CACNA2D3: variants seen among roughly 807,000 people sequenced by gnomAD.
CACNA2D3 encodes voltage-dependent calcium channel subunit alpha-2/delta-3.
CACNA2D3 carries 60 observed loss-of-function variants against 160.6 expected under a neutral mutation model. That is an observed-to-expected ratio of 0.37 (90% CI 0.30 to 0.46). The LOEUF is 0.46. Ranked by LOEUF, CACNA2D3 falls within the 20% of genes least tolerant of loss-of-function variation. The probability of loss-of-function intolerance (pLI) is 1.00; values close to 1 mark genes in which losing one functional copy is unlikely to be tolerated. For missense variants in CACNA2D3, 1,205 were observed against 1,365.0 expected, an observed-to-expected ratio of 0.88 and a Z score of 1.85; for synonymous variants, 558 against 492.9, an observed-to-expected ratio of 1.13 and a Z score of -1.75.
In CACNA2D3 at chr3:54,803,553, T is replaced by C. The variant is rs568925921; in HGVS notation, c.1381-13300T>C. 6.6e-5 allele frequency among the ~76,000 whole-genome samples: 10 copies of C among 152,198 alleles called. 1 individual carries two copies. In the East Asian group the frequency reaches 1.9e-3, roughly 29 times the overall value. The stretch of plus-strand genomic sequence containing the variant: ...AAAGCCTCCAAGAAATATGGGACTA[T>C]GTGAAAAAAACAAATCTACATCTGA... On this transcript the variant is annotated intron_variant, in intron 13 of 37. Coordinates refer to ENST00000474759, the MANE Select transcript of CACNA2D3 (RefSeq NM_018398.3).
intron 9 of CACNA2D3, among the ~76,000 whole-genome samples, chr3:54,627,558 G>A (rs1301688531): frequency 6.6e-6 from 1 of 152,184 alleles, no homozygotes; most frequent in Non-Finnish European, 1.5e-5. Context: ...TTTCACCAGA[G>A]TTCAACTGAT....
intron 34 of CACNA2D3, among the ~76,000 whole-genome samples, chr3:55,013,091 G>A (rs1036506083): frequency 1.3e-5 from 2 of 152,194 alleles, no homozygotes; most frequent in African/African-American, 4.8e-5. Flanking sequence ...ACAGACTACA[G>A]AGAGACCTTG....
At chr3:54,993,821 C>A (rs1343542197) in intron 31 of CACNA2D3, among the ~76,000 whole-genome samples, 4 of 148,530 alleles carry the variant, frequency 2.7e-5, no homozygotes, top group Non-Finnish European at 4.4e-5. Flanking sequence ...ACCTATCTTT[C>A]ATGGCCATTG....
chr3:54,397,495 C>T (rs1156507603), intron 4 of CACNA2D3, among the ~76,000 whole-genome samples: 1 of 126,410 alleles, frequency 7.9e-6, no homozygotes, highest in Non-Finnish European at 1.7e-5. Flanking sequence ...TGAATGCGTC[C>T]CAGAGATTCT....
At chr3:54,144,098 C>T (rs1327316533) in intron 2 of CACNA2D3, among the ~76,000 whole-genome samples, 1 of 152,160 alleles carries the variant, frequency 6.6e-6, no homozygotes, top group Non-Finnish European at 1.5e-5. Flanking sequence ...TAAAATTTTG[C>T]AGCATTTCTT....
chr3:54,887,376 G>C (rs1402766855), intron 23 of CACNA2D3, among the ~76,000 whole-genome samples: 2 of 152,088 alleles, frequency 1.3e-5, no homozygotes, highest in African/African-American at 2.4e-5. Flanking sequence ...GTTGTGAGCT[G>C]AGATTGTACT....
At chr3:54,832,450 G>A (rs1339292496) in intron 14 of CACNA2D3, among the ~76,000 whole-genome samples, 1 of 152,082 alleles carries the variant, frequency 6.6e-6, no homozygotes, top group African/African-American at 2.4e-5. Flanking sequence ...GAAAAGAAAG[G>A]GGCCAGGCAG....
rs1553814627 is a variant in CACNA2D3 at position 54,736,129 on chromosome 3, A to ATG, written c.1168-16468_1168-16467dup. On this transcript the variant is annotated intron_variant, in intron 11 of 37. Coordinates refer to ENST00000474759, the MANE Select transcript of CACNA2D3 (RefSeq NM_018398.3). Reference sequence around the variant, plus strand: ...TATATGTATATATATACATATATATATGTATATATATACACACACACACAC... The same window carrying ATG: ...TATATGTATATATATACATATATATATGTGTATATATATACACACACACACAC... Among the ~76,000 whole-genome samples the ATG allele has an allele frequency of 3.8e-4, 24 of 62,850 alleles. 4 individuals are homozygous for ATG. The highest frequency in any genetic ancestry group is 7.0e-4 in the Non-Finnish European group (21 of 30,046). The allele number at this position is 62,850 out of a possible 152,430, so 41.2% of individuals were successfully genotyped here.
intron 13 of CACNA2D3, among the ~76,000 whole-genome samples, chr3:54,774,278 T>C (rs1258309954): frequency 6.6e-6 from 1 of 152,148 alleles, no homozygotes; most frequent in African/African-American, 2.4e-5. Flanking sequence ...AGAGGTTTAA[T>C]TGGCTCAGGG....
intron 11 of CACNA2D3, among the ~76,000 whole-genome samples, chr3:54,663,387 C>A (rs779771021): frequency 6.6e-6 from 1 of 152,298 alleles, no homozygotes; most frequent in South Asian, 2.1e-4. Context: ...GAGGTGTCCA[C>A]CCCTCATGCC....
intron 4 of CACNA2D3, among the ~76,000 whole-genome samples, chr3:54,426,841 A>G (rs1232091002): frequency 1.3e-5 from 2 of 152,264 alleles, no homozygotes; most frequent in East Asian, 3.9e-4. Flanking sequence ...GTCTGTTTGT[A>G]AAGTCTTATC....
intron 4 of CACNA2D3, among the ~76,000 whole-genome samples, chr3:54,455,895 A>G (rs1200574675): frequency 2.0e-5 from 3 of 151,922 alleles, no homozygotes; most frequent in Admixed American, 6.6e-5. Flanking sequence ...ATATAACTGG[A>G]TTTATTTCTG....
chr3:54,987,261 T>A (rs541228185), intron 30 of CACNA2D3, among the ~76,000 whole-genome samples: 22 of 152,260 alleles, frequency 1.4e-4, no homozygotes, highest in African/African-American at 5.1e-4. Context: ...CCTAAACAGG[T>A]CGTCCAGGAA....
intron 2 of CACNA2D3, among the ~76,000 whole-genome samples, chr3:54,295,540 T>C (rs1178030457): frequency 6.6e-6 from 1 of 152,154 alleles, no homozygotes; most frequent in Non-Finnish European, 1.5e-5. Context: ...ACGGGACAAC[T>C]CAAAGTGAGG....
At chr3:54,864,768 G>A (rs1259769174) in intron 17 of CACNA2D3, among the ~76,000 whole-genome samples, 2 of 152,188 alleles carry the variant, frequency 1.3e-5, no homozygotes, top group Non-Finnish European at 2.9e-5. Flanking sequence ...GCATTAGCCA[G>A]GAGAAGAGCA....
In CACNA2D3 at chr3:54,507,678, G is replaced by A. The variant is rs1029217695; in HGVS notation, c.544+4024G>A. ...ACTGGGTGGCCCACAGACTCTTCAG[G>A]AAAGCTAAAGAATAAGGCCTGGAAA... is the stretch of plus-strand genomic sequence containing the variant. On this transcript the variant is annotated intron_variant, in intron 5 of 37. Coordinates refer to ENST00000474759, the MANE Select transcript of CACNA2D3 (RefSeq NM_018398.3). Among the ~76,000 whole-genome samples, 8 of 152,186 alleles carry A rather than the reference G, an allele frequency of 5.3e-5. 1 individual carries two copies. In the East Asian group the frequency reaches 5.8e-4, roughly 11 times the overall value.
chr3:54,142,102 G>C (rs189395929), intron 2 of CACNA2D3, among the ~76,000 whole-genome samples: 234 of 152,348 alleles, frequency 1.5e-3, no homozygotes, highest in African/African-American at 5.0e-3. Context: ...ACTGAGACCA[G>C]AGGGATGAGG....
At chr3:54,859,139 A>G (rs1181598279) in intron 17 of CACNA2D3, among the ~76,000 whole-genome samples, 1 of 152,244 alleles carries the variant, frequency 6.6e-6, no homozygotes, top group Non-Finnish European at 1.5e-5. Context: ...AGATGAAGGC[A>G]GACTTCTTTA....
Position 54,719,492 on chromosome 3 carries a change from G to A in CACNA2D3, c.1168-33107G>A, listed in dbSNP as rs192018203. Reference sequence around the variant, plus strand: ...CAAATGATAAAATAACTTTACATTCGTGGTATAAATTCAACTTTGTCATAA... The same window carrying A: ...CAAATGATAAAATAACTTTACATTCATGGTATAAATTCAACTTTGTCATAA... On this transcript the variant is annotated intron_variant, in intron 11 of 37. Transcript: ENST00000474759. Among the ~76,000 whole-genome samples, 8 of 151,892 alleles carry A rather than the reference G, an allele frequency of 5.3e-5. No homozygotes were observed. In the East Asian group the frequency reaches 1.2e-3, roughly 22 times the overall value.
Sources: gnomAD v4.1 joint callset for allele counts (sites outside exome capture counted in the v4.1 genomes callset) on GRCh38, gnomAD v4.1.1 for gene constraint, MANE v1.5 for transcripts, NCBI Gene and HGNC (gene_info 2026-07-23, HGNC 2026-07-21) for gene names.